The following UNC13C variants were observed in gnomAD, a reference collection of about 807,000 sequenced individuals.
The protein encoded by UNC13C is unc-13 homolog C.
UNC13C carries 174 observed loss-of-function variants against 245.4 expected under a neutral mutation model. That is an observed-to-expected ratio of 0.71 (90% confidence interval 0.63 to 0.80). The LOEUF (loss-of-function observed/expected upper bound fraction) is 0.80. Among genes scored for constraint, UNC13C ranks in the 30% least tolerant of loss-of-function variants. The pLI is 0.00. For synonymous variants in UNC13C, 992 were observed against 895.1 expected (o/e 1.11, Z -1.93); for missense variants, 2,829 against 2,602.9 (o/e 1.09, Z -1.89).
At chr15:54,130,291 T>TTTC (rs2031329637) in intron 2 of UNC13C, among the ~76,000 whole-genome samples, 1 of 102,470 alleles carries the variant, frequency 9.8e-6, no homozygotes, top group African/African-American at 3.6e-5. Flanking sequence ...TAATTAATTT[T>TTTC]TTTTTTTTTT....
intron 4 of UNC13C, among the ~76,000 whole-genome samples, chr15:54,177,323 T>C (rs1401642059): frequency 2.6e-5 from 4 of 152,156 alleles, no homozygotes; most frequent in African/African-American, 9.7e-5. Flanking sequence ...TTCGTTGGGT[T>C]CTCTGAAGAG....
At chr15:54,001,219 T>C (rs1894870866) in intron 1 of UNC13C, among the ~76,000 whole-genome samples, 3 of 152,106 alleles carry the variant, frequency 2.0e-5, no homozygotes, top group Admixed American at 2.0e-4. Context: ...TTTGGGAAAA[T>C]TGAGGCAAAA....
chr15:54,028,260 G>A (rs1051183514), intron 2 of UNC13C, among the ~76,000 whole-genome samples: 1 of 152,028 alleles, frequency 6.6e-6, no homozygotes, highest in Non-Finnish European at 1.5e-5. Context: ...TCCTATGTGG[G>A]GTACATTCAT....
the UNC13C span, among the ~76,000 whole-genome samples, chr15:53,917,227 A>G: frequency 6.6e-6 from 1 of 152,230 alleles, no homozygotes; most frequent in African/African-American, 2.4e-5. Flanking sequence ...GAATGGAAGA[A>G]GTGATTTCAC....
intron 2 of UNC13C, among the ~76,000 whole-genome samples, chr15:54,065,651 T>C (rs1898041726): frequency 6.6e-6 from 1 of 152,234 alleles, no homozygotes; most frequent in East Asian, 1.9e-4. Flanking sequence ...TTTGCCATCC[T>C]GGAATTCTTC....
Position 54,414,970 on chromosome 15 carries a change from G to A in UNC13C, c.4848-12G>A, listed in dbSNP as rs771330934. The A allele has an allele frequency of 1.9e-6, 3 of 1,608,436 alleles. No homozygotes were observed. The highest frequency in any genetic ancestry group is 2.2e-5 in the South Asian group (2 of 90,122). ...TCTTCTTCATACACTAATACAATGT[G>A]TTTGGTTTTAGGTTTCCTCAAGAGC... On this transcript the variant is annotated splice_polypyrimidine_tract_variant and intron_variant, in intron 18 of 32. Transcript: ENST00000260323.
intron 2 of UNC13C, among the ~76,000 whole-genome samples, chr15:54,052,031 G>A (rs60159413): frequency 6.6e-5 from 8 of 121,744 alleles, no homozygotes; most frequent in South Asian, 3.1e-4. Context: ...TTGTTCTTGC[G>A]ATAGTTTACT....
chr15:54,321,556 T>A lies in UNC13C; in HGVS notation c.4269-383T>A, dbSNP rs78879683. The A allele has an allele frequency of 1.3e-3, 537 of 426,450 alleles. 3 individuals carry two copies. Among genetic ancestry groups the A allele is most frequent in the African/African-American group, 0.01 (504 of 49,082 alleles). The allele number at this position is 426,450 out of a possible 1,614,324, so 26.4% of individuals were successfully genotyped here. ...TTGGGTTTCTCATTACCACATAGCC[T>A]GTGAGTGTTCCCCGTCACCCCTCAG... is the stretch of plus-strand genomic sequence containing the variant. On this transcript the variant is annotated intron_variant, in intron 13 of 32. Transcript: ENST00000260323.
intron 30 of UNC13C, among the ~76,000 whole-genome samples, chr15:54,571,098 G>T (rs1313421294): frequency 6.6e-6 from 1 of 152,136 alleles, no homozygotes; most frequent in Non-Finnish European, 1.5e-5. Context: ...TATTCTGGTG[G>T]CATGGTGTCA....
At chr15:54,016,486 C>T (rs1410788843) in intron 2 of UNC13C, among the ~76,000 whole-genome samples, 1 of 152,152 alleles carries the variant, frequency 6.6e-6, no homozygotes, top group Non-Finnish European at 1.5e-5. Flanking sequence ...GGCCCTAGGT[C>T]ATGTCTGAGT....
chr15:54,382,506 A>G lies in UNC13C; in HGVS notation c.4714-10542A>G, dbSNP rs79947702. 9.4e-3 allele frequency among the ~76,000 whole-genome samples: 1,433 copies of G among 152,030 alleles called. 30 individuals carry two copies. Among genetic ancestry groups the G allele is most frequent in the African/African-American group, 0.033 (1,359 of 41,508 alleles). ...CAGGAGGCTGAGGTGGGACCCAGAA[A>G]GTTAAGGTTGCAGTGAGCCAACATT... On this transcript the variant is annotated intron_variant, in intron 17 of 32. Coordinates refer to ENST00000260323, the MANE Select transcript of UNC13C (RefSeq NM_001080534.3).
intron 30 of UNC13C, among the ~76,000 whole-genome samples, chr15:54,614,676 A>AT (rs1157506018): frequency 5.3e-5 from 8 of 151,848 alleles, no homozygotes; most frequent in South Asian, 2.1e-4. Context: ...GTATTGTGTA[A>AT]TTTTTTCCTG....
At chr15:54,206,466 G>A (rs558495556) in intron 4 of UNC13C, among the ~76,000 whole-genome samples, 3 of 152,132 alleles carry the variant, frequency 2.0e-5, no homozygotes, top group South Asian at 2.1e-4. Flanking sequence ...GTTGACAACC[G>A]GAATATTAAT....
At chr15:54,266,497 G>A (rs766523326) in intron 10 of UNC13C, among the ~76,000 whole-genome samples, 86 of 151,972 alleles carry the variant, frequency 5.7e-4, no homozygotes, top group Non-Finnish European at 1.0e-3. Context: ...GAACAACAAA[G>A]GGGAGGGATG....
intron 2 of UNC13C, among the ~76,000 whole-genome samples, chr15:54,136,886 C>G (rs1364808873): frequency 6.6e-6 from 1 of 151,938 alleles, no homozygotes; most frequent in African/African-American, 2.4e-5. Context: ...TGCTCTGTCA[C>G]CCAGGAGTGC....
intron 4 of UNC13C, among the ~76,000 whole-genome samples, chr15:54,171,666 T>A (rs1301830890): frequency 6.6e-6 from 1 of 152,088 alleles, no homozygotes. Context: ...GATTGTAAAT[T>A]AGTACAACCA....
the UNC13C span, among the ~76,000 whole-genome samples, chr15:53,841,814 T>C: frequency 6.6e-6 from 1 of 152,192 alleles, no homozygotes; most frequent in Non-Finnish European, 1.5e-5. Context: ...AGCTGATTAA[T>C]TTTCAGGACA....
intron 2 of UNC13C, among the ~76,000 whole-genome samples, chr15:54,074,606 A>G (rs908004219): frequency 2.0e-5 from 3 of 152,110 alleles, no homozygotes; most frequent in Non-Finnish European, 2.9e-5. Flanking sequence ...ATCCCTTGTA[A>G]GTTGTATTCC....
rs16974981 is a variant in UNC13C at position 54,619,731 on chromosome 15, T to A, written c.6107-2596T>A. 5.7e-3 allele frequency among the ~76,000 whole-genome samples: 862 copies of A among 152,302 alleles called. 9 individuals are homozygous for A. Among genetic ancestry groups the A allele is most frequent in the African/African-American group, 0.02 (822 of 41,570 alleles). On this transcript the variant is annotated intron_variant, in intron 30 of 32. Transcript: ENST00000260323. ...TGGAAGCAACTACTGTCAGCCTATT[T>A]AATCAACAAATATTTAATTGTCCAC...
Sources: allele counts gnomAD v4.1 joint callset (sites outside exome capture counted in the v4.1 genomes callset), GRCh38; gene constraint gnomAD v4.1.1; transcripts MANE v1.5; gene names NCBI Gene and HGNC (gene_info 2026-07-23, HGNC 2026-07-21).